The following COL5A1 variants were observed in gnomAD, a reference collection of about 807,000 sequenced individuals.
The protein encoded by COL5A1 is collagen type V alpha 1 chain, also known as collagen alpha-1(V) chain.
Under a neutral mutation model 263.7 loss-of-function variants are expected in COL5A1, and 16 were observed. The observed-to-expected ratio is 0.06, with a 90% CI of 0.04 to 0.09. The LOEUF (loss-of-function observed/expected upper bound fraction) is 0.09, where lower values mean the gene tolerates loss of function less well. Ranked by LOEUF, COL5A1 falls within the 10% of genes least tolerant of loss-of-function variation. COL5A1 has a pLI of 1.00. For synonymous variants in COL5A1, 1,012 were observed against 1,004.5 expected (o/e 1.01, Z -0.14); for missense variants, 2,036 against 2,540.5 (o/e 0.80, Z 4.27).
intron 32 of COL5A1, among the ~76,000 whole-genome samples, chr9:134,793,389 G>GC (rs531710180): frequency 6.6e-6 from 1 of 151,766 alleles, no homozygotes; most frequent in Non-Finnish European, 1.5e-5. Flanking sequence ...GAGGCTGGGG[G>GC]GGGCATTCTG....
At position 134,732,147 on chromosome 9, in the gene COL5A1, C is replaced by G. The variant is rs759206401; in HGVS notation, c.1389+20C>G. On this transcript the variant is annotated intron_variant, in intron 9 of 65. Transcript: ENST00000371817. Reference sequence around the variant, plus strand: ...GAGCCGGTGAGGACATTTTCTCATTCCCTCCCTGCGCCGGGGTGTCCGCTG... The same window carrying G: ...GAGCCGGTGAGGACATTTTCTCATTGCCTCCCTGCGCCGGGGTGTCCGCTG... The G allele has an allele frequency of 6.2e-7, 1 of 1,613,966 alleles. No homozygotes were observed. Among genetic ancestry groups the G allele is most frequent in the South Asian group, 1.1e-5 (1 of 91,076 alleles).
chr9:134,785,921 CCTTT>C (rs1837441803), intron 30 of COL5A1, 70 bp from the exon 31 acceptor site: 2 of 1,411,164 alleles, frequency 1.4e-6, no homozygotes, highest in Admixed American at 1.8e-5. Context: ...GAACGCATGT[CCTTT>C]CTCTCTGCTC....
chr9:134,682,544 A>C lies in COL5A1; in HGVS notation c.110-8368A>C, dbSNP rs1023019919. Among the ~76,000 whole-genome samples, 1 of 152,136 alleles carries C rather than the reference A, an allele frequency of 6.6e-6. No homozygotes were observed. Among genetic ancestry groups the C allele is most frequent in the South Asian group, 2.1e-4 (1 of 4,822 alleles). On this transcript the variant is annotated intron_variant, in intron 1 of 65. Coordinates refer to ENST00000371817, the MANE Select transcript of COL5A1 (RefSeq NM_000093.5). This position sits in a 1 kb window ranked among gnomAD's most constrained non-coding sequence, Gnocchi z 5.1. ...AAAGATGATACTAGAATCCTACCACACTGCCTGGTGGGGTGGGGGAGAGCC... is the reference window on the plus strand; with the variant it reads ...AAAGATGATACTAGAATCCTACCACCCTGCCTGGTGGGGTGGGGGAGAGCC...
chr9:134,844,202 A>T lies in COL5A1; in HGVS notation c.*1899A>T, dbSNP rs993260326. On this transcript the variant is annotated 3_prime_UTR_variant, in exon 66 of 66. Transcript: ENST00000371817. ...AAACACCGCCAGCGTGGATTTTCCA[A>T]ATTTCCCTGGAAAGTAAGTCTCGCT... The T allele has an allele frequency of 1.3e-5, 2 of 152,610 alleles. No individual in the cohort carries two copies. The highest frequency in any genetic ancestry group is 2.9e-5 in the Non-Finnish European group (2 of 68,034). 9.5% of individuals were successfully genotyped at this position (152,610 alleles called of 1,614,324 possible).
chr9:134,691,363 G>A (rs1335199972), intron 2 of COL5A1, among the ~76,000 whole-genome samples: 1 of 152,210 alleles, frequency 6.6e-6, no homozygotes, highest in Non-Finnish European at 1.5e-5. Context: ...GTCTCTGGTG[G>A]TAGCTGGGCC....
chr9:134,731,440 G>A lies in COL5A1; in HGVS notation c.1165-56G>A, dbSNP rs1834875759. Reference sequence around the variant, plus strand: ...CAGTGCCCGCCCAGGGCCTGATGGAGAGGCAGTGCCTGGTGCGTTTGCGAG... The same window carrying A: ...CAGTGCCCGCCCAGGGCCTGATGGAAAGGCAGTGCCTGGTGCGTTTGCGAG... On this transcript the variant is annotated intron_variant, in intron 7 of 65. Transcript: ENST00000371817. The A allele has an allele frequency of 2.5e-6, 4 of 1,580,674 alleles. No homozygotes were observed. The African/African-American group carries it at 4.0e-5, about 16-fold the overall frequency.
rs565197904 is a variant in COL5A1, at chr9:134,805,234, C to T, written c.3258+20C>T. ...CCTGCGGTGAGTCAAAGCCTTTGTC[C>T]CATCCTCTTTCTTGAATCCTACTCT... On this transcript the variant is annotated intron_variant, in intron 41 of 65. Coordinates refer to ENST00000371817, the MANE Select transcript of COL5A1 (RefSeq NM_000093.5). 45 of 1,613,428 alleles carry T rather than the reference C, an allele frequency of 2.8e-5. No homozygotes were observed. Among genetic ancestry groups the T allele is most frequent in the Non-Finnish European group, 3.8e-5 (45 of 1,179,838 alleles).
In COL5A1 at chr9:134,818,483, C is replaced by T. The variant is rs532368315; in HGVS notation, c.4231-173C>T. Among the ~76,000 whole-genome samples the T allele has an allele frequency of 5.9e-5, 9 of 152,298 alleles. No homozygotes were observed. The East Asian group carries it at 1.7e-3, about 29-fold the overall frequency. On this transcript the variant is annotated intron_variant, in intron 54 of 65. Coordinates refer to ENST00000371817, the MANE Select transcript of COL5A1 (RefSeq NM_000093.5). This position sits in a 1 kb window ranked among gnomAD's most constrained non-coding sequence, Gnocchi z 6.0. ...GCCTGGGAGATGATCGGGATGGAGACTTGACCAGGGCAGCTTCCACAGGCA... is the reference window on the plus strand; with the variant it reads ...GCCTGGGAGATGATCGGGATGGAGATTTGACCAGGGCAGCTTCCACAGGCA...
Position 134,758,058 on chromosome 9 carries a change from G to A in COL5A1, c.1882-185G>A, listed in dbSNP as rs890182243. The stretch of plus-strand genomic sequence containing the variant: ...GCCCATGTTCATGTTTGCAGGGGAA[G>A]AGGCTGAGATTGTAGATGCAAAGTG... On this transcript the variant is annotated intron_variant, in intron 17 of 65. Transcript: ENST00000371817. The surrounding 1 kb of genome is among the most constrained non-coding windows in gnomAD (Gnocchi z 4.1). 6.6e-6 allele frequency among the ~76,000 whole-genome samples: 1 copy of A among 152,234 alleles called. No individual in the cohort carries two copies. The highest frequency in any genetic ancestry group is 1.5e-5 in the Non-Finnish European group (1 of 68,054).
At chr9:134,788,011 A>G (rs1353407989) in intron 31 of COL5A1, among the ~76,000 whole-genome samples, 2 of 152,178 alleles carry the variant, frequency 1.3e-5, no homozygotes, top group African/African-American at 2.4e-5. Context: ...GGGTGTGGAT[A>G]GGTAGGCAGA....
At chr9:134,718,876 G>C (rs1330540673) in intron 4 of COL5A1, among the ~76,000 whole-genome samples, 2 of 152,144 alleles carry the variant, frequency 1.3e-5, no homozygotes, top group Non-Finnish European at 2.9e-5. Context: ...CTTCCTCCTG[G>C]GGGGGCTGCA....
intron 63 of COL5A1, among the ~76,000 whole-genome samples, chr9:134,828,996 GCGCA>G (rs1212477614): frequency 1.3e-5 from 2 of 150,210 alleles, no homozygotes; most frequent in South Asian, 2.1e-4. Flanking sequence ...CACCATGCAC[GCGCA>G]CACACACACG....
At chr9:134,811,467 C>T in intron 45 of COL5A1, 25 bp from the exon 46 acceptor site, 1 of 1,613,642 alleles carries the variant, frequency 6.2e-7, no homozygotes. Flanking sequence ...AGCATCCTCA[C>T]CCATGGCCGG....
rs1208278587 is a variant in COL5A1 at position 134,696,128 on chromosome 9, C to A, written c.278-3781C>A. On this transcript the variant is annotated intron_variant, in intron 2 of 65. Transcript: ENST00000371817. This position sits in a 1 kb window ranked among gnomAD's most constrained non-coding sequence, Gnocchi z 4.3. ...CCGCATTCATTTCCTATCCTCTGAC[C>A]TCTTTCTGCCACCCTGCCCCACTGC... Among the ~76,000 whole-genome samples the A allele has an allele frequency of 6.6e-6, 1 of 152,146 alleles. No individual in the cohort carries two copies. Among genetic ancestry groups the A allele is most frequent in the African/African-American group, 2.4e-5 (1 of 41,424 alleles).
At chr9:134,828,667 C>T (rs1355591285) in intron 63 of COL5A1, among the ~76,000 whole-genome samples, 1 of 151,586 alleles carries the variant, frequency 6.6e-6, no homozygotes, top group African/African-American at 2.4e-5. Context: ...CACACACACC[C>T]ATAATGCGCC....
intron 11 of COL5A1, among the ~76,000 whole-genome samples, chr9:134,747,846 C>T (rs1835597969): frequency 6.7e-6 from 1 of 148,686 alleles, no homozygotes; most frequent in South Asian, 2.1e-4. Context: ...CAGACACATG[C>T]ACACATGCAT....
intron 1 of COL5A1, among the ~76,000 whole-genome samples, chr9:134,667,170 C>T (rs1832385234): frequency 6.6e-6 from 1 of 152,194 alleles, no homozygotes; most frequent in Non-Finnish European, 1.5e-5. Context: ...CAGCACAGAA[C>T]TTCTGTGGGC....
intron 1 of COL5A1, among the ~76,000 whole-genome samples, chr9:134,660,730 G>T (rs1312708451): frequency 6.6e-6 from 1 of 152,182 alleles, no homozygotes; most frequent in Non-Finnish European, 1.5e-5. Context: ...GTTTCTTCAT[G>T]TGTAAAATGG....
At chr9:134,659,767 C>T (rs1009923078) in intron 1 of COL5A1, among the ~76,000 whole-genome samples, 6 of 152,202 alleles carry the variant, frequency 3.9e-5, no homozygotes, top group African/African-American at 9.6e-5. Context: ...ACAGGCGCCC[C>T]GAGTACCGTC....
Sources: gnomAD v4.1 joint callset for allele counts (sites outside exome capture counted in the v4.1 genomes callset) on GRCh38, gnomAD v4.1.1 for gene constraint, Gnocchi (gnomAD v3.1) non-coding constraint, MANE v1.5 for transcripts, NCBI Gene and HGNC (gene_info 2026-07-23, HGNC 2026-07-21) for gene names.